Variants in ERN1 observed in about 807,000 individuals in gnomAD.
ERN1 encodes the protein serine/threonine-protein kinase/endoribonuclease IRE1.
ERN1 carries 39 observed loss-of-function variants against 113.1 expected under a neutral mutation model. The ratio of observed to expected loss-of-function variants is 0.34; its 90% CI spans 0.27 to 0.45. ERN1 has a LOEUF of 0.45. Ranked by LOEUF, ERN1 falls within the 20% of genes least tolerant of loss-of-function variation. ERN1 has a pLI of 1.00. For synonymous variants in ERN1, 507 were observed against 515.9 expected (o/e 0.98, Z 0.23); for missense variants, 976 against 1,274.8 (o/e 0.77, Z 3.57).
chr17:64,074,065 A>C (rs1340881105), intron 5 of ERN1, among the ~76,000 whole-genome samples: 1 of 152,234 alleles, frequency 6.6e-6, no homozygotes, highest in African/African-American at 2.4e-5. Flanking sequence ...CATAATATGA[A>C]TATGATCTGA....
intron 2 of ERN1, among the ~76,000 whole-genome samples, chr17:64,094,533 GTA>G (rs1914176404): frequency 2.0e-5 from 3 of 151,690 alleles, no homozygotes; most frequent in Non-Finnish European, 1.5e-5. Flanking sequence ...CTCCTGCCCT[GTA>G]TGACTGGCCC....
rs185410015 is a variant in ERN1 at position 64,106,010 on chromosome 17, C to T, written c.55-7769G>A. On this transcript the variant is annotated intron_variant, in intron 1 of 21. Coordinates refer to ENST00000433197, the MANE Select transcript of ERN1 (RefSeq NM_001433.5). ...CATTCCTCCAAACTAAAAATACTTA[C>T]ATAATTTGAGCAAGGACAATAGAAT... Among the ~76,000 whole-genome samples the T allele has an allele frequency of 1.3e-4, 19 of 151,550 alleles. 1 individual carries two copies. Among genetic ancestry groups the T allele is most frequent in the Admixed American group, 9.2e-4 (14 of 15,220 alleles).
intron 17 of ERN1, among the ~76,000 whole-genome samples, chr17:64,051,524 C>G (rs1912683973): frequency 6.6e-6 from 1 of 152,224 alleles, no homozygotes; most frequent in African/African-American, 2.4e-5. Context: ...TCAAGCCTCT[C>G]CACCTAACTT....
Position 64,055,734 on chromosome 17 carries a change from C to G in ERN1, c.1613G>C (p.Cys538Ser). 1.2e-6 allele frequency: 2 copies of G among 1,611,712 alleles called. No individual in the cohort carries two copies. The highest frequency in any genetic ancestry group is 1.7e-6 in the Non-Finnish European group (2 of 1,179,056). Residue 538 changes from cysteine to serine, a missense_variant, in exon 13 of 22, where the codon TGC (cysteine) becomes TCC (serine). Physicochemically the swap from Cys to Ser is moderately radical, Grantham distance 112. Coordinates refer to ENST00000433197, the MANE Select transcript of ERN1 (RefSeq NM_001433.5). ...AGCCTTGGAGGCAGAGCTGCCGGAG[C>G]AGAGCGAGTGGTTGGAGGCCCTGGG... ...TSPRASNHSL[C>S]SGSSASKAGS... is the part of the protein sequence containing the mutation.
At chr17:64,107,919 C>T (rs939432919) in intron 1 of ERN1, among the ~76,000 whole-genome samples, 33 of 152,302 alleles carry the variant, frequency 2.2e-4, no homozygotes, top group African/African-American at 6.5e-4. Flanking sequence ...AATCCATCAA[C>T]CATACAGTTC....
chr17:64,075,260 A>AAAG lies in ERN1; in HGVS notation c.283-14_283-13insCTT, dbSNP rs1555615543. 5.7e-5 allele frequency: 85 copies of AAAG among 1,492,426 alleles called. No homozygotes were observed. The African/African-American group carries it at 1.0e-3, about 18-fold the overall frequency. 92.4% of individuals were successfully genotyped at this position (1,492,426 alleles called of 1,614,324 possible). ...TAAAAGGAAGTTTCTTTAAAAAAAAAAAAAAAGAAAAAAAAAAGTTAACCA... is the reference window on the plus strand; with the variant it reads ...TAAAAGGAAGTTTCTTTAAAAAAAAAAAGAAAAAAGAAAAAAAAAAGTTAACCA... On this transcript the variant is annotated splice_polypyrimidine_tract_variant and intron_variant, in intron 4 of 21. Transcript: ENST00000433197.
chr17:64,072,175 A>G, intron 5 of ERN1, 72 bp from the exon 6 acceptor site: 1 of 1,541,724 alleles, frequency 6.5e-7, no homozygotes, highest in Non-Finnish European at 8.9e-7. Context: ...CTAGCAGCCA[A>G]GATGCTCTGT....
At chr17:64,106,742 ACACACACACACACACACACAC>A (rs1914539681) in intron 1 of ERN1, among the ~76,000 whole-genome samples, 1 of 144,330 alleles carries the variant, frequency 6.9e-6, no homozygotes, top group African/African-American at 2.8e-5. Flanking sequence ...ACACACACAC[ACACACACACACACACACACAC>A]AAGCTCGCTG....
chr17:64,085,402 C>T (rs984372726), intron 2 of ERN1, among the ~76,000 whole-genome samples: 2 of 152,216 alleles, frequency 1.3e-5, no homozygotes, highest in South Asian at 2.1e-4. Flanking sequence ...AGGTGCCAGG[C>T]TCTTTTTAAG....
chr17:64,058,353 T>C (rs1912946787), intron 11 of ERN1, among the ~76,000 whole-genome samples: 1 of 152,210 alleles, frequency 6.6e-6, no homozygotes. Flanking sequence ...AAGTCATCTG[T>C]AACAAAGTCT....
rs1044815112 is a variant in ERN1 at position 64,039,522 on chromosome 17, G to A, written c.*4466C>T. 1 of 152,118 alleles carries A rather than the reference G, an allele frequency of 6.6e-6. No individual in the cohort carries two copies. Among genetic ancestry groups the A allele is most frequent in the East Asian group, 1.9e-4 (1 of 5,202 alleles). 9.4% of individuals were successfully genotyped at this position (152,118 alleles called of 1,614,324 possible). A position where few individuals can be genotyped will look rare whatever the true frequency, so the allele number is the denominator to read the frequency against. ...CTGTAAAGCATCCATCCCATGGAAG[G>A]ATACAGTATCACTTTTCCAGTTTTA... On this transcript the variant is annotated 3_prime_UTR_variant, in exon 22 of 22. Transcript: ENST00000433197.
At chr17:64,098,646 T>C (rs1914299481) in intron 1 of ERN1, 1 of 496,508 alleles carries the variant, frequency 2.0e-6, no homozygotes, top group Non-Finnish European at 4.0e-6. Context: ...CACACATTCA[T>C]GAAATTTTAA....
intron 2 of ERN1, among the ~76,000 whole-genome samples, chr17:64,089,571 G>A (rs1296478508): frequency 6.6e-6 from 1 of 152,098 alleles, no homozygotes; most frequent in Non-Finnish European, 1.5e-5. Context: ...AAGCATTTCG[G>A]GTAAGGGATA....
chr17:64,122,195 C>T (rs1914972120), intron 1 of ERN1, among the ~76,000 whole-genome samples: 1 of 152,132 alleles, frequency 6.6e-6, no homozygotes. Flanking sequence ...CACACATGAC[C>T]CTGGACAGGT....
intron 4 of ERN1, among the ~76,000 whole-genome samples, chr17:64,077,027 T>C (rs1434842298): frequency 2.0e-5 from 3 of 152,176 alleles, no homozygotes; most frequent in Non-Finnish European, 4.4e-5. Flanking sequence ...AGATAACTTA[T>C]ACAACTCACT....
At chr17:64,045,780 C>T (rs759038606) in intron 19 of ERN1, among the ~76,000 whole-genome samples, 10 of 152,130 alleles carry the variant, frequency 6.6e-5, no homozygotes, top group African/African-American at 2.2e-4. Flanking sequence ...GCCATGTGTA[C>T]GGAGCCGCAA....
At chr17:64,066,583 G>T in intron 8 of ERN1, 88 bp downstream of exon 8, 2 of 1,493,812 alleles carry the variant, frequency 1.3e-6, no homozygotes, top group Non-Finnish European at 9.1e-7. Flanking sequence ...CCCTGTCTTT[G>T]GCCTCCCGTG....
chr17:64,051,035 G>A (rs891218920), intron 17 of ERN1, among the ~76,000 whole-genome samples: 2 of 152,110 alleles, frequency 1.3e-5, no homozygotes, highest in East Asian at 1.9e-4. Context: ...AAGCCAGCTT[G>A]AAGGGGTTTC....
chr17:64,112,874 G>C (rs1423824465), intron 1 of ERN1, among the ~76,000 whole-genome samples: 1 of 152,166 alleles, frequency 6.6e-6, no homozygotes, highest in Non-Finnish European at 1.5e-5. Flanking sequence ...TCTGAGGCCT[G>C]GTGTGAGGCT....
Sources: allele counts gnomAD v4.1 joint callset (sites outside exome capture counted in the v4.1 genomes callset), GRCh38; gene constraint gnomAD v4.1.1; transcripts MANE v1.5; gene names NCBI Gene and HGNC (gene_info 2026-07-23, HGNC 2026-07-21).